DPF3: variants seen among roughly 807,000 people sequenced by gnomAD.
DPF3 encodes double PHD fingers 3, also known as zinc finger protein DPF3.
Under a neutral mutation model 56.8 loss-of-function variants are expected in DPF3, and 18 were observed. That is an observed-to-expected ratio of 0.32 (90% confidence interval 0.22 to 0.47). The LOEUF (loss-of-function observed/expected upper bound fraction) is 0.47. Ranked by LOEUF, DPF3 falls within the 20% of genes least tolerant of loss-of-function variation. The pLI is 1.00. For missense variants in DPF3, 403 were observed against 488.8 expected (o/e 0.82, Z 1.65); for synonymous variants, 188 against 180.2 (o/e 1.04, Z -0.35).
At chr14:72,703,890 C>A (rs1888292190) in intron 6 of DPF3, among the ~76,000 whole-genome samples, 1 of 152,124 alleles carries the variant, frequency 6.6e-6, no homozygotes, top group Non-Finnish European at 1.5e-5. Flanking sequence ...CAACTGGGGC[C>A]CCAGCTTAGG....
Position 72,616,427 on chromosome 14 carries a change from G to A in DPF3, c.*2870C>T, listed in dbSNP as rs543049743. On this transcript the variant is annotated 3_prime_UTR_variant, in exon 11 of 11. Transcript: ENST00000556509. Reference sequence around the variant, plus strand: ...CATGCAAGTCATGATTTCCTTGGTCGCAGCCCAGCCCTGGCAATATAAACT... The same window carrying A: ...CATGCAAGTCATGATTTCCTTGGTCACAGCCCAGCCCTGGCAATATAAACT... Among the ~76,000 whole-genome samples, 1 of 152,052 alleles carries A rather than the reference G, an allele frequency of 6.6e-6. No individual in the cohort carries two copies. Among genetic ancestry groups the A allele is most frequent in the Non-Finnish European group, 1.5e-5 (1 of 68,024 alleles).
intron 2 of DPF3, among the ~76,000 whole-genome samples, chr14:72,765,238 A>T (rs937943072): frequency 6.6e-6 from 1 of 152,242 alleles, no homozygotes; most frequent in African/African-American, 2.4e-5. Flanking sequence ...AAAATTTTCA[A>T]ACTGACCACA....
chr14:72,762,322 A>G (rs1195281555), intron 2 of DPF3, among the ~76,000 whole-genome samples: 1 of 151,938 alleles, frequency 6.6e-6, no homozygotes, highest in Non-Finnish European at 1.5e-5. Flanking sequence ...ACAATACATT[A>G]AAAAGATAAA....
At chr14:72,810,909 A>G (rs1466321925) in intron 1 of DPF3, among the ~76,000 whole-genome samples, 1 of 152,238 alleles carries the variant, frequency 6.6e-6, no homozygotes, top group Admixed American at 6.5e-5. Context: ...TTGTATTACT[A>G]TAAAGGAATG....
chr14:72,760,765 A>G (rs2139920228), intron 2 of DPF3, among the ~76,000 whole-genome samples: 1 of 152,288 alleles, frequency 6.6e-6, no homozygotes, highest in African/African-American at 2.4e-5. Context: ...TTGCCTAAAT[A>G]CCCCTACTTA....
chr14:72,625,292 T>A (rs1256196310), intron 9 of DPF3, among the ~76,000 whole-genome samples: 1 of 152,164 alleles, frequency 6.6e-6, no homozygotes, highest in Non-Finnish European at 1.5e-5. Flanking sequence ...ATTTTTATAT[T>A]AGTATAGATA....
intron 1 of DPF3, among the ~76,000 whole-genome samples, chr14:72,782,739 G>A (rs76845884): frequency 6.6e-6 from 1 of 152,038 alleles, no homozygotes; most frequent in Non-Finnish European, 1.5e-5. Flanking sequence ...AGGCTGAGGC[G>A]GGAGAATCAC....
At chr14:72,768,241 A>G (rs1891372467) in intron 2 of DPF3, among the ~76,000 whole-genome samples, 1 of 152,248 alleles carries the variant, frequency 6.6e-6, no homozygotes, top group Non-Finnish European at 1.5e-5. Flanking sequence ...AATATGAGTA[A>G]ATACAATAAA....
intron 1 of DPF3, among the ~76,000 whole-genome samples, chr14:72,871,097 G>C (rs1027433913): frequency 6.6e-6 from 1 of 152,220 alleles, no homozygotes. Flanking sequence ...GTCAGATCTT[G>C]TAAGACTTAC....
At position 72,751,683 on chromosome 14, in the gene DPF3, G is replaced by T. The variant is rs569673244; in HGVS notation, c.301+1581C>A. Among the ~76,000 whole-genome samples the T allele has an allele frequency of 2.6e-5, 4 of 152,302 alleles. No individual in the cohort carries two copies. In the South Asian group the frequency reaches 8.3e-4, roughly 32 times the overall value. On this transcript the variant is annotated intron_variant, in intron 3 of 10. Coordinates refer to ENST00000556509, the MANE Select transcript of DPF3 (RefSeq NM_001280542.3). ...AAAAGATCATAAATGATTTTATATCGATGACATGCTGAAATGATGTTTTTG... is the reference window on the plus strand; with the variant it reads ...AAAAGATCATAAATGATTTTATATCTATGACATGCTGAAATGATGTTTTTG...
chr14:72,884,950 A>ATATATATATATATATATATG (rs1886465034), intron 1 of DPF3, among the ~76,000 whole-genome samples: 4 of 84,332 alleles, frequency 4.7e-5, no homozygotes, highest in Non-Finnish European at 7.6e-5. Context: ...CTATATATAT[A>ATATATATATATATATATATG]TATATATATA....
Position 72,662,042 on chromosome 14 carries a change from G to A in DPF3, c.871+12198C>T, listed in dbSNP as rs1886238687. On this transcript the variant is annotated intron_variant, in intron 8 of 10. Transcript: ENST00000556509. ...ATAAAAGGGGCTTGCCTGGGGTGAG[G>A]GGGCAATGAGGGTGGGGGAAACTGC... 4 of 984,908 alleles carry A rather than the reference G, an allele frequency of 4.1e-6. 1 individual carries two copies. Among genetic ancestry groups the A allele is most frequent in the Admixed American group, 6.2e-5 (1 of 16,240 alleles). The allele number at this position is 984,908 out of a possible 1,614,324, so 61.0% of individuals were successfully genotyped here.
chr14:72,857,372 G>A (rs762036863), intron 1 of DPF3, among the ~76,000 whole-genome samples: 16 of 152,136 alleles, frequency 1.1e-4, no homozygotes, highest in Non-Finnish European at 2.4e-4. Flanking sequence ...TACTTAAAAA[G>A]CAAAAGTTTA....
At chr14:72,702,936 G>A (rs1888239398) in intron 6 of DPF3, among the ~76,000 whole-genome samples, 1 of 152,238 alleles carries the variant, frequency 6.6e-6, no homozygotes, top group South Asian at 2.1e-4. Flanking sequence ...CTAGAGACCG[G>A]GGGTCTGGCT....
At chr14:72,776,346 T>C (rs1891742406) in intron 1 of DPF3, among the ~76,000 whole-genome samples, 1 of 152,102 alleles carries the variant, frequency 6.6e-6, no homozygotes. Flanking sequence ...CCAGACAGCA[T>C]TCTGGTTGCA....
intron 1 of DPF3, among the ~76,000 whole-genome samples, chr14:72,795,289 A>ATATATATATATATATATATAT (rs1179925797): frequency 7.5e-5 from 9 of 119,288 alleles, no homozygotes; most frequent in Non-Finnish European, 1.3e-4. Flanking sequence ...AAAAAAAAAA[A>ATATATATATATATATATATAT]AAAAAAATAT....
intron 1 of DPF3, among the ~76,000 whole-genome samples, chr14:72,827,755 C>T (rs1883874743): frequency 6.6e-6 from 1 of 152,006 alleles, no homozygotes; most frequent in Non-Finnish European, 1.5e-5. Context: ...GCTGGGATTA[C>T]AGGTGTGAGC....
At chr14:72,830,652 C>G (rs1884014914) in intron 1 of DPF3, among the ~76,000 whole-genome samples, 1 of 152,172 alleles carries the variant, frequency 6.6e-6, no homozygotes, top group Non-Finnish European at 1.5e-5. Context: ...GGAAGTATGA[C>G]ATTATTAACA....
At chr14:72,732,080 A>G in intron 3 of DPF3, 146 bp from the exon 4 acceptor site, 2 of 1,061,460 alleles carry the variant, frequency 1.9e-6, no homozygotes, top group South Asian at 1.7e-5. Context: ...GGAACACTGG[A>G]GCCCTGTCCA....
Sources: gnomAD v4.1 joint callset for allele counts (sites outside exome capture counted in the v4.1 genomes callset) on GRCh38, gnomAD v4.1.1 for gene constraint, MANE v1.5 for transcripts, NCBI Gene and HGNC (gene_info 2026-07-23, HGNC 2026-07-21) for gene names.